The following MYO1E variants were observed in gnomAD, a reference collection of about 807,000 sequenced individuals.
MYO1E encodes the protein myosin IE, also known as unconventional myosin-Ie.
A neutral mutation model predicts 151.1 loss-of-function variants in MYO1E; 68 were observed. The ratio of observed to expected loss-of-function variants is 0.45; its 90% CI spans 0.37 to 0.55. The LOEUF (loss-of-function observed/expected upper bound fraction) is 0.55, where lower values mean the gene tolerates loss of function less well. Ranked by LOEUF, MYO1E falls within the 20% of genes least tolerant of loss-of-function variation. MYO1E has a pLI of 0.00. For missense variants in MYO1E, 1,363 were observed against 1,389.3 expected (o/e 0.98, Z 0.30); for synonymous variants, 601 against 501.7 (o/e 1.20, Z -2.64).
intron 1 of MYO1E, among the ~76,000 whole-genome samples, chr15:59,303,106 G>C (rs1176202872): frequency 6.6e-6 from 1 of 152,212 alleles, no homozygotes; most frequent in East Asian, 1.9e-4. Context: ...TGGCAGGTGA[G>C]TTCCATGCTG....
chr15:59,144,459 G>A (rs1273102695), intron 26 of MYO1E, among the ~76,000 whole-genome samples: 1 of 151,912 alleles, frequency 6.6e-6, no homozygotes, highest in Non-Finnish European at 1.5e-5. Context: ...GAGCCAATGC[G>A]CCCGGCCTCT....
At chr15:59,335,295 G>A (rs904852846) in intron 1 of MYO1E, among the ~76,000 whole-genome samples, 11 of 152,184 alleles carry the variant, frequency 7.2e-5, no homozygotes, top group African/African-American at 2.4e-4. Context: ...AGTAAAAGGT[G>A]GACTAGCATC....
chr15:59,276,318 C>T (rs4774325), intron 1 of MYO1E, among the ~76,000 whole-genome samples: 140,298 of 152,074 alleles, frequency 0.92, 65,375 homozygotes, highest in Non-Finnish European at 0.99. Context: ...CCCTTTTGCT[C>T]CCCCCACTAA....
At chr15:59,254,215 C>T (rs150815685) in intron 4 of MYO1E, among the ~76,000 whole-genome samples, 2 of 152,154 alleles carry the variant, frequency 1.3e-5, no homozygotes, top group African/African-American at 4.8e-5. Flanking sequence ...CAAAACAAAA[C>T]ACCATCTCTG....
chr15:59,161,180 C>A lies in MYO1E; in HGVS notation c.2678G>T (p.Gly893Val), dbSNP rs202237883. ...KENWGPWSAG[G>V]SRQVQFHQGF... ...TTGGTGGAACTGCACTTGCCGGGAGCCCCCTGCACTCCAGGGGCCCCAGTT... is the reference window on the plus strand; with the variant it reads ...TTGGTGGAACTGCACTTGCCGGGAGACCCCTGCACTCCAGGGGCCCCAGTT... Residue 893 changes from glycine (G) to valine (V), a missense_variant, in exon 24 of 28, where the codon GGC becomes GTC. Physicochemically the swap from Gly to Val is moderately radical, Grantham distance 109 (BLOSUM62 -3). Transcript: ENST00000288235. The A allele has an allele frequency of 1.2e-6, 2 of 1,613,956 alleles. No homozygotes were observed. Among genetic ancestry groups the A allele is most frequent in the East Asian group, 2.2e-5 (1 of 44,852 alleles).
chr15:59,261,210 A>AT (rs1294557378), intron 3 of MYO1E, among the ~76,000 whole-genome samples: 2 of 151,580 alleles, frequency 1.3e-5, no homozygotes, highest in Non-Finnish European at 1.5e-5. Flanking sequence ...GTCTCAAAAA[A>AT]AATAATAATA....
chr15:59,302,249 A>G (rs1163358626), intron 1 of MYO1E, among the ~76,000 whole-genome samples: 1 of 152,222 alleles, frequency 6.6e-6, no homozygotes, highest in Non-Finnish European at 1.5e-5. Flanking sequence ...GACATGTCCA[A>G]TTAACGAAGG....
chr15:59,280,826 G>GA (rs2080349155), intron 1 of MYO1E, among the ~76,000 whole-genome samples: 1 of 152,034 alleles, frequency 6.6e-6, no homozygotes, highest in African/African-American at 2.4e-5. Context: ...CATCACAGAT[G>GA]AAAAAATATT....
chr15:59,189,542 TCA>T, intron 17 of MYO1E, among the ~76,000 whole-genome samples: 1 of 152,254 alleles, frequency 6.6e-6, no homozygotes, highest in South Asian at 2.1e-4. Flanking sequence ...TCTCACTTTG[TCA>T]TCCAGGCTGG....
intron 16 of MYO1E, among the ~76,000 whole-genome samples, chr15:59,197,752 T>G (rs1353004283): frequency 1.3e-5 from 2 of 152,214 alleles, no homozygotes; most frequent in Non-Finnish European, 2.9e-5. Flanking sequence ...CTGGTTGAGG[T>G]AGGATTAGAC....
In MYO1E at chr15:59,210,549, T is replaced by G; in HGVS notation, c.1327A>C (p.Asn443His). ...TCTATGAGGTCACATACGATTTTAT[T>G]ATTAAAGTACTCAATGGGTGTCCAT... ...IRWTPIEYFN[N>H]KIVCDLIENK... The change falls in exon 13 of 28, where the codon AAT (asparagine) becomes CAT (histidine). Residue 443 changes from asparagine (N) to histidine (H), a missense_variant. Physicochemically the swap from Asn to His is moderately conservative, Grantham distance 68. Coordinates refer to ENST00000288235, the MANE Select transcript of MYO1E (RefSeq NM_004998.4). 1 of 1,605,746 alleles carries G rather than the reference T, an allele frequency of 6.2e-7. No individual in the cohort carries two copies. The highest frequency in any genetic ancestry group is 8.5e-7 in the Non-Finnish European group (1 of 1,172,344).
At chr15:59,269,044 G>A (rs978056717) in intron 2 of MYO1E, among the ~76,000 whole-genome samples, 14 of 151,898 alleles carry the variant, frequency 9.2e-5, no homozygotes, top group African/African-American at 2.4e-4. Flanking sequence ...TACATTCAGC[G>A]GAAATGAAGA....
chr15:59,189,644 G>A (rs1177876340), intron 17 of MYO1E, among the ~76,000 whole-genome samples: 2 of 152,124 alleles, frequency 1.3e-5, no homozygotes, highest in East Asian at 1.9e-4. Context: ...GCAAAATCTC[G>A]GCTCTCTGCA....
chr15:59,256,237 C>A, intron 4 of MYO1E, 47 bp downstream of exon 4: 1 of 1,421,890 alleles, frequency 7.0e-7, no homozygotes, highest in Non-Finnish European at 9.9e-7. Context: ...ATAACCACAG[C>A]ATAGTCTCAT....
At chr15:59,367,901 C>A (rs2080923544) in intron 1 of MYO1E, among the ~76,000 whole-genome samples, 1 of 152,088 alleles carries the variant, frequency 6.6e-6, no homozygotes, top group South Asian at 2.1e-4. Flanking sequence ...GGGCAGATCA[C>A]CTGAGGTCAG....
chr15:59,372,551 T>A lies in MYO1E; in HGVS notation c.-51A>T. 6.5e-7 allele frequency: 1 copy of A among 1,534,692 alleles called. No homozygotes were observed. The highest frequency in any genetic ancestry group is 1.2e-5 in the South Asian group (1 of 83,504). On this transcript the variant is annotated 5_prime_UTR_variant, in exon 1 of 28. Transcript: ENST00000288235. ...TCGCCGGGTCCCGCTGCCGGGGAAC[T>A]GGGGCTGGAACGCAGTCTTCTGGGC...
At chr15:59,244,381 C>T (rs1217968738) in intron 4 of MYO1E, among the ~76,000 whole-genome samples, 9 of 152,238 alleles carry the variant, frequency 5.9e-5, no homozygotes, top group Non-Finnish European at 1.3e-4. Context: ...TTTTACATTA[C>T]TCTTTAAGAG....
chr15:59,153,286 A>G (rs773902018), intron 26 of MYO1E, among the ~76,000 whole-genome samples: 1 of 152,236 alleles, frequency 6.6e-6, no homozygotes, highest in Non-Finnish European at 1.5e-5. Context: ...TTCCTCAACC[A>G]TGCAAGAAAG....
chr15:59,223,512 T>C, intron 8 of MYO1E, among the ~76,000 whole-genome samples: 1 of 152,104 alleles, frequency 6.6e-6, no homozygotes, highest in East Asian at 1.9e-4. Flanking sequence ...AAGAGAATAC[T>C]CCAGGAGGAA....
Sources: allele counts gnomAD v4.1 joint callset (sites outside exome capture counted in the v4.1 genomes callset), GRCh38; gene constraint gnomAD v4.1.1; transcripts MANE v1.5; gene names NCBI Gene and HGNC (gene_info 2026-07-23, HGNC 2026-07-21).